PLEKHM3: variants seen among roughly 807,000 people sequenced by gnomAD.
PLEKHM3 encodes pleckstrin homology domain-containing family M member 3.
In PLEKHM3, 45 loss-of-function variants were observed where a neutral mutation model predicts 81.8. The observed-to-expected ratio is 0.55, with a 90% CI of 0.43 to 0.71. The LOEUF is 0.71. Among genes scored for constraint, PLEKHM3 ranks in the 30% least tolerant of loss-of-function variants. PLEKHM3 has a pLI of 0.00. For synonymous variants in PLEKHM3, 352 were observed against 356.4 expected, an observed-to-expected ratio of 0.99 and a Z score of 0.14; for missense variants, 788 against 924.3, an observed-to-expected ratio of 0.85 and a Z score of 1.91.
intron 5 of PLEKHM3, among the ~76,000 whole-genome samples, chr2:207,916,989 T>C (rs530271521): frequency 1.3e-5 from 2 of 152,306 alleles, no homozygotes; most frequent in East Asian, 3.9e-4. Context: ...CTGATATTGG[T>C]ATATACATAA....
intron 2 of PLEKHM3, among the ~76,000 whole-genome samples, chr2:207,987,190 G>A (rs1407681685): frequency 6.6e-6 from 1 of 152,124 alleles, no homozygotes; most frequent in Non-Finnish European, 1.5e-5. Context: ...TGGCCCAGGT[G>A]CTGCCAGCAC....
chr2:207,849,547 T>A (rs1320977215), intron 7 of PLEKHM3, among the ~76,000 whole-genome samples: 1 of 152,162 alleles, frequency 6.6e-6, no homozygotes, highest in Admixed American at 6.5e-5. Context: ...AAAACAACCC[T>A]TTTTAGAAGA....
chr2:207,861,539 C>A (rs2092467244), intron 6 of PLEKHM3, among the ~76,000 whole-genome samples: 1 of 152,112 alleles, frequency 6.6e-6, no homozygotes, highest in Non-Finnish European at 1.5e-5. Flanking sequence ...AAATGGGGAA[C>A]CCTGCTTGGA....
chr2:207,942,823 C>T (rs1689989169), intron 4 of PLEKHM3, among the ~76,000 whole-genome samples: 1 of 152,128 alleles, frequency 6.6e-6, no homozygotes, highest in Admixed American at 6.5e-5. Context: ...TCACTTGAAC[C>T]TGGGAGGCGG....
intron 5 of PLEKHM3, among the ~76,000 whole-genome samples, chr2:207,911,272 C>G (rs1688801968): frequency 6.6e-6 from 1 of 152,268 alleles, no homozygotes; most frequent in East Asian, 1.9e-4. Context: ...CTTTGGTAGT[C>G]TGCAATTTTC....
intron 3 of PLEKHM3, among the ~76,000 whole-genome samples, chr2:207,974,835 C>CTT (rs1239861236): frequency 9.1e-5 from 13 of 142,956 alleles, no homozygotes; most frequent in African/African-American, 2.3e-4. Context: ...AGTAGAGCTT[C>CTT]TTTTTTTTTT....
chr2:207,960,423 G>A (rs1004744844), intron 3 of PLEKHM3, among the ~76,000 whole-genome samples: 5 of 152,202 alleles, frequency 3.3e-5, no homozygotes, highest in Non-Finnish European at 7.3e-5. Flanking sequence ...GCTGTGGTAA[G>A]AGGACATCAT....
intron 5 of PLEKHM3, among the ~76,000 whole-genome samples, chr2:207,915,770 A>G (rs1688972477): frequency 6.6e-6 from 1 of 152,230 alleles, no homozygotes; most frequent in Admixed American, 6.5e-5. Context: ...TGCATAAGGA[A>G]TAATTTTGAA....
chr2:207,899,154 TTC>T (rs1688338653), intron 6 of PLEKHM3, among the ~76,000 whole-genome samples: 1 of 152,202 alleles, frequency 6.6e-6, no homozygotes, highest in Non-Finnish European at 1.5e-5. Flanking sequence ...CAATGCTGTC[TTC>T]TGAGGTTGCC....
Position 207,977,106 on chromosome 2 carries a change from T to C in PLEKHM3, c.1091A>G (p.Lys364Arg). Reference sequence around the variant, plus strand: ...AGTCAGCCTGTAGAGAGTCCCTGATTTGAGGATGTTTTGGTACTGTTTGGA... The same window carrying C: ...AGTCAGCCTGTAGAGAGTCCCTGATCTGAGGATGTTTTGGTACTGTTTGGA... ...DSSKQYQNILKSGTLYRLTVQ... is the reference protein window; with the variant it reads ...DSSKQYQNILRSGTLYRLTVQ... Residue 364 changes from lysine (K) to arginine (R), a missense_variant, in exon 3 of 8, where the codon AAA (lysine) becomes AGA (arginine). Transcript: ENST00000427836. 2 of 1,614,146 alleles carry C rather than the reference T, an allele frequency of 1.2e-6. No individual in the cohort carries two copies. The highest frequency in any genetic ancestry group is 1.7e-6 in the Non-Finnish European group (2 of 1,180,008).
At chr2:207,882,716 T>C (rs562848376) in intron 6 of PLEKHM3, among the ~76,000 whole-genome samples, 60 of 152,284 alleles carry the variant, frequency 3.9e-4, no homozygotes, top group African/African-American at 1.2e-3. Flanking sequence ...ATGTTGTTTA[T>C]TCAGACTAAA....
At chr2:207,884,297 TCAC>T (rs1687816106) in intron 6 of PLEKHM3, among the ~76,000 whole-genome samples, 1 of 152,176 alleles carries the variant, frequency 6.6e-6, no homozygotes, top group Admixed American at 6.5e-5. Context: ...ATGTCTGCTC[TCAC>T]CACATCTATT....
intron 5 of PLEKHM3, chr2:207,929,905 A>T (rs1409554683): frequency 1.4e-6 from 1 of 700,414 alleles, no homozygotes; most frequent in Non-Finnish European, 2.6e-6. Context: ...ACCTCCAAAA[A>T]CATTTAACAT....
intron 4 of PLEKHM3, among the ~76,000 whole-genome samples, chr2:207,935,552 G>A (rs1305239967): frequency 1.3e-5 from 2 of 152,152 alleles, no homozygotes; most frequent in Admixed American, 6.5e-5. Flanking sequence ...CTACTAACAC[G>A]AAAGAATTTG....
At position 207,956,718 on chromosome 2, in the gene PLEKHM3, A is replaced by ATTTTTTTTT. The variant is rs1170073686; in HGVS notation, c.1547-10215_1547-10207dup. ...ATGCCACCACACCTGGCTGATTAAA[A>ATTTTTTTTT]TTTTTTTTTTTTTTTTTTTTTTTTT... On this transcript the variant is annotated intron_variant, in intron 3 of 7. Coordinates refer to ENST00000427836, the MANE Select transcript of PLEKHM3 (RefSeq NM_001080475.3). 3.3e-3 allele frequency among the ~76,000 whole-genome samples: 229 copies of ATTTTTTTTT among 69,134 alleles called. 17 individuals carry two copies. The highest frequency in any genetic ancestry group is 4.0e-3 in the Non-Finnish European group (142 of 35,260). The allele number at this position is 69,134 out of a possible 152,430, so 45.4% of individuals were successfully genotyped here. A position where few individuals can be genotyped will look rare whatever the true frequency, so the allele number is the denominator to read the frequency against.
At chr2:207,885,393 A>T (rs1040567781) in intron 6 of PLEKHM3, among the ~76,000 whole-genome samples, 2 of 152,198 alleles carry the variant, frequency 1.3e-5, no homozygotes, top group African/African-American at 2.4e-5. Flanking sequence ...CTTGCTTGAC[A>T]TGGGGCATTT....
chr2:207,883,071 A>G (rs1687753555), intron 6 of PLEKHM3, among the ~76,000 whole-genome samples: 1 of 152,114 alleles, frequency 6.6e-6, no homozygotes, highest in Non-Finnish European at 1.5e-5. Context: ...TCAACTTAGG[A>G]TGCTCCACAC....
chr2:208,018,781 A>G (rs1693016283), intron 1 of PLEKHM3, among the ~76,000 whole-genome samples: 1 of 152,136 alleles, frequency 6.6e-6, no homozygotes, highest in Admixed American at 6.5e-5. Flanking sequence ...CACACATCTT[A>G]ACATTACCTG....
intron 7 of PLEKHM3, among the ~76,000 whole-genome samples, chr2:207,828,749 C>T (rs1339040861): frequency 6.6e-6 from 1 of 152,200 alleles, no homozygotes; most frequent in Non-Finnish European, 1.5e-5. Context: ...TCCGCAGTCA[C>T]CCAGCAATTC....
Sources: gnomAD v4.1 joint callset for allele counts (sites outside exome capture counted in the v4.1 genomes callset) on GRCh38, gnomAD v4.1.1 for gene constraint, MANE v1.5 for transcripts, NCBI Gene and HGNC (gene_info 2026-07-23, HGNC 2026-07-21) for gene names.